Variants in DDAH1 observed in about 807,000 individuals in gnomAD.
The protein encoded by DDAH1 is dimethylarginine dimethylaminohydrolase 1.
Under a neutral mutation model 28.8 loss-of-function variants are expected in DDAH1, and 19 were observed. The observed-to-expected ratio is 0.66, with a 90% CI of 0.46 to 0.97. The LOEUF (loss-of-function observed/expected upper bound fraction) is 0.97. Ranked by LOEUF, DDAH1 falls within the 50% of genes least tolerant of loss-of-function variation. DDAH1 has a pLI of 0.00. For missense variants in DDAH1, 326 were observed against 375.9 expected (o/e 0.87, Z 1.10); for synonymous variants, 153 against 154.4 (o/e 0.99, Z 0.07).
At chr1:85,321,714 A>C in intron 5 of DDAH1, 146 bp from the exon 6 acceptor site, 1 of 669,770 alleles carries the variant, frequency 1.5e-6, no homozygotes, top group East Asian at 2.7e-5. Flanking sequence ...ACACATGCCC[A>C]CAGTCATCCC....
At chr1:85,329,331 C>G (rs993761955) in intron 4 of DDAH1, among the ~76,000 whole-genome samples, 9 of 152,196 alleles carry the variant, frequency 5.9e-5, no homozygotes, top group African/African-American at 2.2e-4. Flanking sequence ...TATCCCCCAA[C>G]CTCACCTCCT....
At chr1:85,543,664 G>C (rs1342312673) in intron 1 of DDAH1, among the ~76,000 whole-genome samples, 1 of 152,068 alleles carries the variant, frequency 6.6e-6, no homozygotes, top group Admixed American at 6.6e-5. Context: ...GGGCAGCATG[G>C]CACCATCTTT....
chr1:85,508,412 A>G (rs1353178921), intron 1 of DDAH1, among the ~76,000 whole-genome samples: 1 of 152,222 alleles, frequency 6.6e-6, no homozygotes, highest in African/African-American at 2.4e-5. Context: ...GACGCTGAAG[A>G]CGGGTGATTT....
At chr1:85,434,895 T>C (rs1388599370) in intron 1 of DDAH1, among the ~76,000 whole-genome samples, 1 of 151,918 alleles carries the variant, frequency 6.6e-6, no homozygotes, top group Non-Finnish European at 1.5e-5. Flanking sequence ...TAGTATATAA[T>C]ATGAAAGAGT....
intron 1 of DDAH1, among the ~76,000 whole-genome samples, chr1:85,418,467 AG>A (rs1385561222): frequency 3.3e-5 from 5 of 152,252 alleles, no homozygotes; most frequent in Non-Finnish European, 5.9e-5. Flanking sequence ...AGAAGGTAAA[AG>A]ACCATGAATT....
intron 4 of DDAH1, among the ~76,000 whole-genome samples, chr1:85,342,342 A>C (rs1648547574): frequency 6.6e-6 from 1 of 152,008 alleles, no homozygotes; most frequent in Admixed American, 6.6e-5. Context: ...TTTGGCATAT[A>C]TCTTCACACA....
chr1:85,474,749 C>T (rs1247330047), intron 2 of DDAH1, among the ~76,000 whole-genome samples: 1 of 152,182 alleles, frequency 6.6e-6, no homozygotes, highest in East Asian at 1.9e-4. Flanking sequence ...GCATTCCTTT[C>T]TCCCCACTCT....
At chr1:85,571,459 C>T (rs1207639729) in intron 1 of DDAH1, among the ~76,000 whole-genome samples, 1 of 152,186 alleles carries the variant, frequency 6.6e-6, no homozygotes, top group Non-Finnish European at 1.5e-5. Flanking sequence ...TTGGACATCC[C>T]TTGTCTGTAC....
At chr1:85,358,602 T>A in intron 2 of DDAH1, 146 bp downstream of exon 2, 1 of 590,990 alleles carries the variant, frequency 1.7e-6, no homozygotes, top group South Asian at 2.3e-5. Flanking sequence ...CAAGCCAAGA[T>A]GGCGCCACTG....
At chr1:85,345,878 A>G (rs1324295943) in intron 4 of DDAH1, among the ~76,000 whole-genome samples, 1 of 152,186 alleles carries the variant, frequency 6.6e-6, no homozygotes. Flanking sequence ...TGAATCAATG[A>G]ATGAGTGGAT....
intron 1 of DDAH1, among the ~76,000 whole-genome samples, chr1:85,406,613 G>A (rs933264862): frequency 6.6e-6 from 1 of 152,076 alleles, no homozygotes; most frequent in Non-Finnish European, 1.5e-5. Context: ...ATGGCATGCA[G>A]CATTATGCTT....
chr1:85,534,386 C>T (rs1658196945), intron 1 of DDAH1, among the ~76,000 whole-genome samples: 1 of 152,016 alleles, frequency 6.6e-6, no homozygotes, highest in African/African-American at 2.4e-5. Context: ...TAACACATCC[C>T]TTATTTCTGC....
intron 5 of DDAH1, among the ~76,000 whole-genome samples, chr1:85,322,443 C>T (rs546112403): frequency 1.3e-5 from 2 of 152,292 alleles, no homozygotes; most frequent in Admixed American, 1.3e-4. Flanking sequence ...TCAAACAAAG[C>T]ATATTTTTAA....
At chr1:85,503,181 C>G (rs1273451211) in intron 1 of DDAH1, among the ~76,000 whole-genome samples, 1 of 152,040 alleles carries the variant, frequency 6.6e-6, no homozygotes, top group Non-Finnish European at 1.5e-5. Flanking sequence ...ATATATTAGA[C>G]TATATAGATG....
intron 1 of DDAH1, among the ~76,000 whole-genome samples, chr1:85,568,206 A>G (rs1659359704): frequency 6.6e-6 from 1 of 152,226 alleles, no homozygotes; most frequent in African/African-American, 2.4e-5. Context: ...AAGTGCTTAT[A>G]ATAGAGAGAA....
intron 1 of DDAH1, among the ~76,000 whole-genome samples, chr1:85,426,639 G>A (rs1199678832): frequency 6.6e-6 from 1 of 152,098 alleles, no homozygotes; most frequent in East Asian, 1.9e-4. Context: ...CCAGTGTGGA[G>A]GCTCATGCCT....
intron 1 of DDAH1, among the ~76,000 whole-genome samples, chr1:85,509,733 G>A (rs982896990): frequency 6.6e-6 from 1 of 152,160 alleles, no homozygotes; most frequent in Non-Finnish European, 1.5e-5. Flanking sequence ...GGAAGAAAGG[G>A]TATCAGTGGT....
chr1:85,404,933 GT>G (rs1269469098), intron 1 of DDAH1, among the ~76,000 whole-genome samples: 5 of 152,134 alleles, frequency 3.3e-5, no homozygotes, highest in Admixed American at 1.3e-4. Context: ...TTTCCTTTGG[GT>G]TTTGTTTTGC....
At position 85,426,512 on chromosome 1, in the gene DDAH1, A is replaced by C. The variant is rs183664372; in HGVS notation, c.303+38231T>G. ...TATTTGAGCAGTTCTGAAATACTTG[A>C]GACCCAAGACACTAACCTATTATAA... On this transcript the variant is annotated intron_variant, in intron 1 of 5. Coordinates refer to ENST00000284031, the MANE Select transcript of DDAH1 (RefSeq NM_012137.4). Among the ~76,000 whole-genome samples, 605 of 152,302 alleles carry C rather than the reference A, an allele frequency of 4.0e-3. 11 individuals carry two copies. The highest frequency in any genetic ancestry group is 0.025 in the Admixed American group (375 of 15,292).
Sources: gnomAD v4.1 joint callset for allele counts (sites outside exome capture counted in the v4.1 genomes callset) on GRCh38, gnomAD v4.1.1 for gene constraint, MANE v1.5 for transcripts, NCBI Gene and HGNC (gene_info 2026-07-23, HGNC 2026-07-21) for gene names.